Variants in RIPOR3 observed in about 807,000 individuals in gnomAD.
RIPOR3 encodes the protein family with sequence similarity 65 member C.
In RIPOR3, 95 loss-of-function variants were observed where a neutral mutation model predicts 114.3. The ratio of observed to expected loss-of-function variants is 0.83; its 90% CI spans 0.70 to 0.99. The LOEUF is 0.99. Among genes scored for constraint, RIPOR3 ranks in the 50% least tolerant of loss-of-function variants. RIPOR3 has a pLI of 0.00. For synonymous variants in RIPOR3, 575 were observed against 543.8 expected (o/e 1.06, Z -0.80); for missense variants, 1,252 against 1,266.9 (o/e 0.99, Z 0.18).
At chr20:50,596,501 C>T (rs1419280621) in intron 14 of RIPOR3, among the ~76,000 whole-genome samples, 1 of 152,166 alleles carries the variant, frequency 6.6e-6, no homozygotes, top group African/African-American at 2.4e-5. Flanking sequence ...CAGGATGTCT[C>T]GTGGAGGTAG....
At chr20:50,604,624 G>GC in intron 12 of RIPOR3, 21 bp downstream of exon 12, 1 of 1,599,122 alleles carries the variant, frequency 6.3e-7, no homozygotes. Context: ...CAGCGGCCCT[G>GC]CCCCGGGAAG....
chr20:50,605,559 A>G (rs1288908226), intron 11 of RIPOR3, among the ~76,000 whole-genome samples: 1 of 152,042 alleles, frequency 6.6e-6, no homozygotes, highest in Non-Finnish European at 1.5e-5. Context: ...ACTTGAGCTC[A>G]GGAGTTCGAG....
At chr20:50,594,215 G>A (rs930746416) in intron 17 of RIPOR3, among the ~76,000 whole-genome samples, 1 of 150,462 alleles carries the variant, frequency 6.6e-6, no homozygotes, top group Non-Finnish European at 1.5e-5. Flanking sequence ...GGTAGAGGTT[G>A]CAGTGAGCCA....
rs79352005 is a variant in RIPOR3 at position 50,602,363 on chromosome 20, C to T, written c.1368G>A (p.Leu456=). 0.017 allele frequency: 27,240 copies of T among 1,613,570 alleles called. 286 individuals carry two copies. Among genetic ancestry groups the T allele is most frequent in the African/African-American group, 0.045 (3,405 of 75,072 alleles). The change falls in exon 13 of 22, where the codon CTG becomes CTA. Residue 456 remains leucine (L), a synonymous_variant. Coordinates refer to ENST00000327979, the MANE Select transcript of RIPOR3 (RefSeq NM_001290268.2). This position sits in a 1 kb window ranked among gnomAD's most constrained non-coding sequence, Gnocchi z 4.3. The stretch of plus-strand genomic sequence containing the variant: ...CTCCAGAGAGGTGGGCCATCTCTGG[C>T]AGGAGACCTGGGGGCAGGGGGTCCT... ...AREDPLPPGL[L]PEMAHLSGGP...
In RIPOR3 at chr20:50,609,564, C is replaced by A; in HGVS notation, c.576+9G>T. The A allele has an allele frequency of 4.2e-6, 6 of 1,426,694 alleles. No homozygotes were observed. Among genetic ancestry groups the A allele is most frequent in the African/African-American group, 1.5e-5 (1 of 68,864 alleles). The allele number at this position is 1,426,694 out of a possible 1,614,324, so 88.4% of individuals were successfully genotyped here. A position where few individuals can be genotyped will look rare whatever the true frequency, so the allele number is the denominator to read the frequency against. On this transcript the variant is annotated intron_variant, in intron 7 of 21. Transcript: ENST00000327979. ...CCCCTGCTGCCCAGCCCAGCTTGGC[C>A]CGGCCCACCTCGGCGCACTCGTGCA...
chr20:50,599,430 T>C (rs2083421136), intron 13 of RIPOR3, among the ~76,000 whole-genome samples: 2 of 152,030 alleles, frequency 1.3e-5, no homozygotes, highest in Non-Finnish European at 2.9e-5. Context: ...TTTGATTCAT[T>C]AACATTGAAC....
At chr20:50,604,583 C>T (rs2083629394) in intron 12 of RIPOR3, 62 bp downstream of exon 12, 7 of 1,528,502 alleles carry the variant, frequency 4.6e-6, no homozygotes, top group East Asian at 2.5e-5. Flanking sequence ...CAGCCCAGCT[C>T]CTGCGTGCTG....
chr20:50,663,671 T>C (rs1036619616), intron 1 of RIPOR3, among the ~76,000 whole-genome samples: 4 of 152,078 alleles, frequency 2.6e-5, no homozygotes, highest in Non-Finnish European at 5.9e-5. Context: ...CTGCCACCTA[T>C]TTTCTCCCCT....
intron 19 of RIPOR3, chr20:50,590,150 A>G (rs1403487319): frequency 4.2e-6 from 1 of 235,598 alleles, no homozygotes; most frequent in East Asian, 9.3e-5. Context: ...AAAACGGGCA[A>G]GGCTGCTGCC....
In RIPOR3 at chr20:50,587,909, G is replaced by GA. The variant is rs779071415; in HGVS notation, c.2662-18dup. 6.2e-7 allele frequency: 1 copy of GA among 1,613,484 alleles called. No homozygotes were observed. The highest frequency in any genetic ancestry group is 8.5e-7 in the Non-Finnish European group (1 of 1,179,678). On this transcript the variant is annotated splice_polypyrimidine_tract_variant and intron_variant, in intron 20 of 21. Transcript: ENST00000327979. ...TTCAATGCCCTGTTCGAGATTAGGA[G>GA]AAAAAGAACCCTTTAGGGGGCCTTC...
Position 50,602,465 on chromosome 20 carries a change from C to A in RIPOR3, c.1266G>T (p.Thr422=). The A allele has an allele frequency of 1.3e-6, 2 of 1,556,994 alleles. No individual in the cohort carries two copies. Among genetic ancestry groups the A allele is most frequent in the Non-Finnish European group, 1.7e-6 (2 of 1,147,686 alleles). ...SEDPRDTETS[T]SASTSDVGFL... is the part of the protein sequence containing the mutation. The stretch of plus-strand genomic sequence containing the variant: ...AGCCCACATCTGAGGTGGACGCCGA[C>A]GTGCTGGTCTCCGTGTCTCGGGGGT... Residue 422 remains threonine, a synonymous_variant, in exon 13 of 22, where the codon ACG becomes ACT. Coordinates refer to ENST00000327979, the MANE Select transcript of RIPOR3 (RefSeq NM_001290268.2). The surrounding 1 kb of genome is among the most constrained non-coding windows in gnomAD (Gnocchi z 4.3).
Position 50,595,589 on chromosome 20 carries a change from T to C in RIPOR3, c.1915-85A>G, listed in dbSNP as rs2083260338. On this transcript the variant is annotated intron_variant, in intron 15 of 21. Transcript: ENST00000327979. ...TACGGCTGTGGCTCCCACCTGCTTG[T>C]GCCCATCTCTTCTGTCCCGGGGGCA... is the stretch of plus-strand genomic sequence containing the variant. The C allele has an allele frequency of 1.2e-5, 19 of 1,553,166 alleles. No homozygotes were observed. In the South Asian group the frequency reaches 2.2e-4, roughly 18 times the overall value.
intron 4 of RIPOR3, among the ~76,000 whole-genome samples, chr20:50,614,162 A>G (rs2084077769): frequency 6.6e-6 from 1 of 152,034 alleles, no homozygotes; most frequent in Admixed American, 6.6e-5. Context: ...CAGCCTCCCG[A>G]GTAGCTGGGA....
At chr20:50,612,723 A>G (rs146970291) in intron 4 of RIPOR3, among the ~76,000 whole-genome samples, 3,639 of 152,274 alleles carry the variant, frequency 0.024, 90 homozygotes, top group African/African-American at 0.057. Context: ...TCAATCGAGA[A>G]AGAAAGAAGG....
rs1176661835 is a variant in RIPOR3 at position 50,592,558 on chromosome 20, G to C, written c.2375-12C>G. 1 of 1,500,940 alleles carries C rather than the reference G, an allele frequency of 6.7e-7. No individual in the cohort carries two copies. Among genetic ancestry groups the C allele is most frequent in the African/African-American group, 1.4e-5 (1 of 71,068 alleles). The allele number at this position is 1,500,940 out of a possible 1,614,324, so 93.0% of individuals were successfully genotyped here. ...CTCGATGAGTGTCACTAGAAGACAG[G>C]AAAGAGGTGGGCCCAGGTCCCCTGA... On this transcript the variant is annotated splice_polypyrimidine_tract_variant and intron_variant, in intron 18 of 21. Coordinates refer to ENST00000327979, the MANE Select transcript of RIPOR3 (RefSeq NM_001290268.2).
chr20:50,592,384 C>CGAGCGCTGGCCGCCCT lies in RIPOR3; in HGVS notation c.2521_2536dup (p.Arg846GlnfsTer50). ...TCTGTTCCTGACTGCACCAGCCAGG[C>CGAGCGCTGGCCGCCCT]GAGCGCTGGCCGCCCTGCACACCCT... is the stretch of plus-strand genomic sequence containing the variant. On this transcript the variant is annotated frameshift_variant, in exon 19 of 22. Coordinates refer to ENST00000327979, the MANE Select transcript of RIPOR3 (RefSeq NM_001290268.2). LOFTEE classifies it high-confidence loss of function. 6.2e-7 allele frequency: 1 copy of CGAGCGCTGGCCGCCCT among 1,605,284 alleles called. No individual in the cohort carries two copies. The highest frequency in any genetic ancestry group is 8.5e-7 in the Non-Finnish European group (1 of 1,173,834).
In RIPOR3 at chr20:50,592,516, C is replaced by A; in HGVS notation, c.2405G>T (p.Gly802Val). The A allele has an allele frequency of 1.3e-6, 2 of 1,591,114 alleles. No individual in the cohort carries two copies. Among genetic ancestry groups the A allele is most frequent in the Non-Finnish European group, 1.7e-6 (2 of 1,166,614 alleles). Residue 802 changes from glycine to valine, a missense_variant, in exon 19 of 22, where the codon GGA becomes GTA. Physicochemically the swap from Gly to Val is moderately radical, Grantham distance 109. Transcript: ENST00000327979. ...VTLIEELHCA[G>V]QAKVVRKLQG... ...CAGCTTCCGGACCACCTTGGCCTGTCCCGCACAGTGAAGCTCCTCGATGAG... is the reference window on the plus strand; with the variant it reads ...CAGCTTCCGGACCACCTTGGCCTGTACCGCACAGTGAAGCTCCTCGATGAG...
At chr20:50,604,888 CA>C in intron 11 of RIPOR3, 114 bp from the exon 12 acceptor site, 1 of 1,284,846 alleles carries the variant, frequency 7.8e-7, no homozygotes. Context: ...TCTTACAATA[CA>C]ATAGCATGGA....
At chr20:50,597,971 T>C (rs1260490489) in intron 13 of RIPOR3, among the ~76,000 whole-genome samples, 1 of 152,078 alleles carries the variant, frequency 6.6e-6, no homozygotes, top group African/African-American at 2.4e-5. Context: ...CTCCCCTGTA[T>C]CTCAGACACC....
Sources: gnomAD v4.1 joint callset for allele counts (sites outside exome capture counted in the v4.1 genomes callset) on GRCh38, gnomAD v4.1.1 for gene constraint, Gnocchi (gnomAD v3.1) non-coding constraint, MANE v1.5 for transcripts, NCBI Gene and HGNC (gene_info 2026-07-23, HGNC 2026-07-21) for gene names.